The following ZNF395 variants were observed in gnomAD, a reference collection of about 807,000 sequenced individuals.
The protein encoded by ZNF395 is zinc finger protein 395, also known as HD gene regulatory region-binding protein 2.
In ZNF395, 20 loss-of-function variants were observed where a neutral mutation model predicts 57.7. That is an observed-to-expected ratio of 0.35 (90% confidence interval 0.24 to 0.50). ZNF395 has a LOEUF of 0.50. Among genes scored for constraint, ZNF395 ranks in the 20% least tolerant of loss-of-function variants. The probability of loss-of-function intolerance (pLI) is 0.97; values close to 1 mark genes in which losing one functional copy is unlikely to be tolerated. For synonymous variants in ZNF395, 295 were observed against 275.9 expected (o/e 1.07, Z -0.69); for missense variants, 606 against 671.2 (o/e 0.90, Z 1.07).
chr8:28,372,400 C>T (rs1801988299), intron 1 of ZNF395, among the ~76,000 whole-genome samples: 3 of 152,150 alleles, frequency 2.0e-5, no homozygotes. Context: ...AGAGCCAAAC[C>T]TATCGGAAAA....
chr8:28,364,470 T>C (rs764282588), intron 1 of ZNF395, among the ~76,000 whole-genome samples: 2 of 152,034 alleles, frequency 1.3e-5, no homozygotes, highest in Admixed American at 6.5e-5. Context: ...CTGGCTAACA[T>C]GGTGAAACCC....
chr8:28,374,635 G>C (rs887196533), intron 1 of ZNF395, among the ~76,000 whole-genome samples: 2 of 152,084 alleles, frequency 1.3e-5, no homozygotes, highest in African/African-American at 4.8e-5. Context: ...CACAGATCTT[G>C]TTTCAATATT....
intron 8 of ZNF395, 92 bp from the exon 9 acceptor site, chr8:28,349,320 C>T (rs1801649401): frequency 9.6e-7 from 1 of 1,043,086 alleles, no homozygotes; most frequent in African/African-American, 1.6e-5. Context: ...GTCCCCAGCT[C>T]CTGGTGCAGA....
chr8:28,381,606 T>C (rs990091047), intron 1 of ZNF395, among the ~76,000 whole-genome samples: 4 of 152,214 alleles, frequency 2.6e-5, no homozygotes, highest in Non-Finnish European at 5.9e-5. Flanking sequence ...CAGACTATTC[T>C]AGGTCACAGA....
At chr8:28,361,694 A>G (rs1801851506) in intron 1 of ZNF395, among the ~76,000 whole-genome samples, 5 of 152,166 alleles carry the variant, frequency 3.3e-5, no homozygotes, top group Admixed American at 3.3e-4. Flanking sequence ...TCCGTAGGGC[A>G]ACTTCCAGGA....
rs1316867676 is a variant in ZNF395, at chr8:28,356,531, G to A, written c.583+139C>T. Reference sequence around the variant, plus strand: ...GCATCTAACTCCATGGCATGCAGCCGGTCAGAGGTGCCAGTGGGAGGTGTC... The same window carrying A: ...GCATCTAACTCCATGGCATGCAGCCAGTCAGAGGTGCCAGTGGGAGGTGTC... On this transcript the variant is annotated intron_variant, in intron 4 of 9. Transcript: ENST00000344423. The surrounding 1 kb of genome is among the most constrained non-coding windows in gnomAD (Gnocchi z 4.0). The A allele has an allele frequency of 2.1e-5, 13 of 609,688 alleles. No individual in the cohort carries two copies. The highest frequency in any genetic ancestry group is 6.2e-5 in the South Asian group (3 of 48,406). 37.8% of individuals were successfully genotyped at this position (609,688 alleles called of 1,614,324 possible). A position where few individuals can be genotyped will look rare whatever the true frequency, so the allele number is the denominator to read the frequency against.
intron 8 of ZNF395, 81 bp from the exon 9 acceptor site, chr8:28,349,309 C>A: frequency 1.7e-6 from 2 of 1,144,814 alleles, no homozygotes; most frequent in East Asian, 5.4e-5. Flanking sequence ...GGCAGCCACC[C>A]GTCCCCAGCT....
chr8:28,349,625 C>T lies in ZNF395; in HGVS notation c.1327-397G>A, dbSNP rs530504571. On this transcript the variant is annotated intron_variant, in intron 8 of 9. Coordinates refer to ENST00000344423, the MANE Select transcript of ZNF395 (RefSeq NM_018660.3). ...TGCTAGGTAGAGTTCAAAATGACTT[C>T]CCGCTTACTTGAGTTGGGGGTCCAC... Among the ~76,000 whole-genome samples the T allele has an allele frequency of 4.7e-4, 71 of 152,380 alleles. No homozygotes were observed. In the South Asian group the frequency reaches 7.5e-3, roughly 16 times the overall value.
chr8:28,366,321 A>G (rs1314252310), intron 1 of ZNF395, among the ~76,000 whole-genome samples: 3 of 152,194 alleles, frequency 2.0e-5, no homozygotes, highest in Non-Finnish European at 4.4e-5. Context: ...GTGTTTGGTT[A>G]ATATTTAACC....
At position 28,359,945 on chromosome 8, in the gene ZNF395, C is replaced by T; in HGVS notation, c.241-121G>A. The T allele has an allele frequency of 1.4e-6, 2 of 1,433,444 alleles. No individual in the cohort carries two copies. Among genetic ancestry groups the T allele is most frequent in the Non-Finnish European group, 1.8e-6 (2 of 1,081,598 alleles). 88.8% of individuals were successfully genotyped at this position (1,433,444 alleles called of 1,614,324 possible). ...GCCACAAACCATGTTCTCTGCCTCA[C>T]TCATCTTTTATTCAAGCAGATGTTC... On this transcript the variant is annotated intron_variant, in intron 2 of 9. Coordinates refer to ENST00000344423, the MANE Select transcript of ZNF395 (RefSeq NM_018660.3). This position sits in a 1 kb window ranked among gnomAD's most constrained non-coding sequence, Gnocchi z 4.7.
At chr8:28,382,436 T>A (rs1028052135) in intron 1 of ZNF395, among the ~76,000 whole-genome samples, 68 of 152,224 alleles carry the variant, frequency 4.5e-4, no homozygotes, top group African/African-American at 1.6e-3. Context: ...TTCTTCTCTC[T>A]CACACAATCA....
rs922001346 is a variant in ZNF395 at position 28,352,272 on chromosome 8, T to G, written c.920+301A>C. Among the ~76,000 whole-genome samples the G allele has an allele frequency of 2.6e-5, 4 of 152,180 alleles. No homozygotes were observed. Among genetic ancestry groups the G allele is most frequent in the African/African-American group, 9.7e-5 (4 of 41,448 alleles). Reference sequence around the variant, plus strand: ...TGCAGTGCTTGGCCACTAAACATCTTGGAAACGGGGTCTCACCAGCAACTA... The same window carrying G: ...TGCAGTGCTTGGCCACTAAACATCTGGGAAACGGGGTCTCACCAGCAACTA... On this transcript the variant is annotated intron_variant, in intron 6 of 9. Coordinates refer to ENST00000344423, the MANE Select transcript of ZNF395 (RefSeq NM_018660.3). This position sits in a 1 kb window ranked among gnomAD's most constrained non-coding sequence, Gnocchi z 4.0.
chr8:28,368,112 T>C (rs1031497604), intron 1 of ZNF395, among the ~76,000 whole-genome samples: 2 of 152,108 alleles, frequency 1.3e-5, no homozygotes, highest in Non-Finnish European at 2.9e-5. Flanking sequence ...TCAAACCACA[T>C]GACAGTTCCA....
At chr8:28,349,025 G>A in intron 9 of ZNF395, 100 bp downstream of exon 9, 1 of 1,283,034 alleles carries the variant, frequency 7.8e-7, no homozygotes, top group Non-Finnish European at 1.1e-6. Flanking sequence ...TCCTCTCTGG[G>A]GACTAACCCT....
rs1182680398 is a variant in ZNF395, at chr8:28,361,032, G to A, written c.93C>T (p.Ala31=). Residue 31 remains alanine (A), a synonymous_variant, in exon 2 of 10, where the codon GCC becomes GCT. Transcript: ENST00000344423. The part of the protein sequence containing the change: ...GPSASEGPSA[A]PPSEPLLEGA... ...CTTCTAGCAGTGGCTCCGAGGGTGG[G>A]GCAGCCGAGGGCCCCTCCGAGGCAC... 22 of 1,610,266 alleles carry A rather than the reference G, an allele frequency of 1.4e-5. No homozygotes were observed. Among genetic ancestry groups the A allele is most frequent in the East Asian group, 2.2e-5 (1 of 44,844 alleles).
chr8:28,352,666 A>C lies in ZNF395; in HGVS notation c.827T>G (p.Val276Gly), dbSNP rs907729109. The C allele has an allele frequency of 5.0e-6, 8 of 1,613,642 alleles. No homozygotes were observed. Among genetic ancestry groups the C allele is most frequent in the Admixed American group, 1.7e-5 (1 of 60,004 alleles). Residue 276 changes from valine to glycine, a missense_variant, in exon 6 of 10, where the codon GTG becomes GGG. Coordinates refer to ENST00000344423, the MANE Select transcript of ZNF395 (RefSeq NM_018660.3). The surrounding 1 kb of genome is among the most constrained non-coding windows in gnomAD (Gnocchi z 4.0). ...CCACAGGCACTTGTACATCACCTTCACAGAGTTCTACAGGAAAGGAAGACA... is the reference window on the plus strand; with the variant it reads ...CCACAGGCACTTGTACATCACCTTCCCAGAGTTCTACAGGAAAGGAAGACA... ...EPAPRKRKNS[V>G]KVMYKCLWPN...
chr8:28,383,631 T>C (rs1802136886), intron 1 of ZNF395, among the ~76,000 whole-genome samples: 1 of 152,108 alleles, frequency 6.6e-6, no homozygotes, highest in Non-Finnish European at 1.5e-5. Flanking sequence ...AGCAATGTCA[T>C]GTGAATGGCA....
chr8:28,351,385 A>G (rs1801680105), intron 7 of ZNF395, 110 bp downstream of exon 7: 2 of 1,203,000 alleles, frequency 1.7e-6, no homozygotes, highest in African/African-American at 1.5e-5. Flanking sequence ...GAGATTAGCA[A>G]TTTGGCCAAA....
At chr8:28,353,469 C>G (rs1162701783) in intron 4 of ZNF395, 61 bp from the exon 5 acceptor site, 1 of 1,312,196 alleles carries the variant, frequency 7.6e-7, no homozygotes, top group East Asian at 2.5e-5. Context: ...CAAACTCTCC[C>G]TTCTGAGCTT....
Sources: allele counts gnomAD v4.1 joint callset (sites outside exome capture counted in the v4.1 genomes callset), GRCh38; gene constraint gnomAD v4.1.1; non-coding constraint Gnocchi (gnomAD v3.1); transcripts MANE v1.5; gene names NCBI Gene and HGNC (gene_info 2026-07-23, HGNC 2026-07-21).